Variants in LRP1B observed in about 807,000 individuals in gnomAD.
The protein encoded by LRP1B is low-density lipoprotein receptor-related protein 1B.
Under a neutral mutation model 556.6 loss-of-function variants are expected in LRP1B, and 217 were observed. That is an observed-to-expected ratio of 0.39 (90% CI 0.35 to 0.44). The LOEUF is 0.44. LRP1B is among the 20% of genes least tolerant of loss of function. The pLI is 1.00. For synonymous variants in LRP1B, 2,047 were observed against 1,865.8 expected (o/e 1.10, Z -2.50); for missense variants, 5,053 against 5,620.8 (o/e 0.90, Z 3.23).
intron 3 of LRP1B, among the ~76,000 whole-genome samples, chr2:141,429,816 T>A (rs965254632): frequency 6.6e-6 from 1 of 152,126 alleles, no homozygotes; most frequent in Non-Finnish European, 1.5e-5. Flanking sequence ...GCAAAGGACA[T>A]GATTGGTTAA....
intron 7 of LRP1B, among the ~76,000 whole-genome samples, chr2:141,119,087 A>C (rs1462232235): frequency 6.6e-6 from 1 of 151,956 alleles, no homozygotes; most frequent in Admixed American, 6.6e-5. Flanking sequence ...TTGATGAGTT[A>C]ATTTTGTGTT....
chr2:142,113,875 T>G (rs1024868067), intron 1 of LRP1B, among the ~76,000 whole-genome samples: 1 of 152,108 alleles, frequency 6.6e-6, no homozygotes, highest in African/African-American at 2.4e-5. Context: ...ATACTCAAAC[T>G]TCTATACACA....
chr2:140,484,346 A>T lies in LRP1B; in HGVS notation c.9425+997T>A, dbSNP rs140701016. On this transcript the variant is annotated intron_variant, in intron 59 of 90. Coordinates refer to ENST00000389484, the MANE Select transcript of LRP1B (RefSeq NM_018557.3). ...ATTATAAACATGAGGGACCAAAAAAATTAACAGAGATACATTAACGAGAAG... is the reference window on the plus strand; with the variant it reads ...ATTATAAACATGAGGGACCAAAAAATTTAACAGAGATACATTAACGAGAAG... 2.0e-3 allele frequency among the ~76,000 whole-genome samples: 302 copies of T among 152,288 alleles called. 2 individuals carry two copies. The highest frequency in any genetic ancestry group is 4.1e-3 in the Admixed American group (62 of 15,294).
chr2:140,845,693 C>A (rs1407474655), intron 29 of LRP1B, among the ~76,000 whole-genome samples: 3 of 151,888 alleles, frequency 2.0e-5, no homozygotes, highest in Non-Finnish European at 2.9e-5. Context: ...TTAAAAGATT[C>A]TTTTGGAAGC....
intron 2 of LRP1B, among the ~76,000 whole-genome samples, chr2:141,621,581 G>A (rs1297791654): frequency 1.3e-5 from 2 of 152,084 alleles, no homozygotes; most frequent in Non-Finnish European, 2.9e-5. Context: ...TCAAAATTAA[G>A]GGTTTTGGAT....
intron 41 of LRP1B, among the ~76,000 whole-genome samples, chr2:140,641,117 C>T (rs1041771453): frequency 5.3e-5 from 8 of 152,074 alleles, no homozygotes; most frequent in African/African-American, 1.2e-4. Context: ...CTATGGTTTC[C>T]ACAAAAATTG....
chr2:140,493,351 G>A (rs1264070970), intron 56 of LRP1B, among the ~76,000 whole-genome samples: 5 of 152,106 alleles, frequency 3.3e-5, no homozygotes, highest in Non-Finnish European at 7.4e-5. Context: ...GCGTGATAAA[G>A]ATCTGAGCAT....
chr2:140,613,668 CT>C (rs899023123), intron 41 of LRP1B, among the ~76,000 whole-genome samples: 3 of 151,480 alleles, frequency 2.0e-5, no homozygotes, highest in African/African-American at 2.4e-5. Flanking sequence ...ACTTAATCCA[CT>C]CTTCTCTGCC....
At chr2:141,461,343 A>C (rs1239845881) in intron 3 of LRP1B, among the ~76,000 whole-genome samples, 2 of 152,180 alleles carry the variant, frequency 1.3e-5, no homozygotes, top group Non-Finnish European at 2.9e-5. Context: ...CAATACAGAT[A>C]CTACTGATGA....
intron 3 of LRP1B, among the ~76,000 whole-genome samples, chr2:141,300,039 C>A (rs60399877): frequency 0.12 from 18,482 of 152,124 alleles, 1,505 homozygotes; most frequent in African/African-American, 0.22. Flanking sequence ...TAAAAGAGAC[C>A]CCAGAGAGCT....
intron 2 of LRP1B, among the ~76,000 whole-genome samples, chr2:141,695,039 T>C (rs972156279): frequency 2.6e-5 from 4 of 152,078 alleles, no homozygotes; most frequent in African/African-American, 7.2e-5. Flanking sequence ...GATTATTTCA[T>C]GCCAGCATTG....
intron 7 of LRP1B, among the ~76,000 whole-genome samples, chr2:141,133,034 G>T (rs559015235): frequency 6.6e-6 from 1 of 151,932 alleles, no homozygotes; most frequent in Non-Finnish European, 1.5e-5. Flanking sequence ...TTTTTCAACA[G>T]CATGCATCTA....
intron 42 of LRP1B, among the ~76,000 whole-genome samples, chr2:140,599,286 T>C (rs1027708694): frequency 3.9e-5 from 6 of 152,146 alleles, no homozygotes; most frequent in African/African-American, 1.2e-4. Context: ...CCCCTTCCAA[T>C]TTTACTTTTT....
chr2:141,787,317 G>A (rs978028675), intron 2 of LRP1B, among the ~76,000 whole-genome samples: 6 of 151,744 alleles, frequency 4.0e-5, no homozygotes, highest in Non-Finnish European at 7.4e-5. Flanking sequence ...ATTCATAGTC[G>A]CACCAAACTG....
chr2:141,835,460 C>G (rs1697246366), intron 1 of LRP1B, among the ~76,000 whole-genome samples: 1 of 148,120 alleles, frequency 6.8e-6, no homozygotes, highest in African/African-American at 2.5e-5. Context: ...ATGAAAGACA[C>G]TCAATCATAT....
intron 28 of LRP1B, 120 bp downstream of exon 28, chr2:140,851,532 A>G: frequency 1.8e-6 from 2 of 1,121,404 alleles, no homozygotes; most frequent in Non-Finnish European, 2.5e-6. Context: ...CACCTAAAAT[A>G]TTTTTGAAAA....
In LRP1B at chr2:141,480,396, C is replaced by T. The variant is rs2105089687; in HGVS notation, c.343G>A (p.Glu115Lys). The T allele has an allele frequency of 2.5e-6, 4 of 1,613,714 alleles. No individual in the cohort carries two copies. Among genetic ancestry groups the T allele is most frequent in the Non-Finnish European group, 3.4e-6 (4 of 1,179,852 alleles). The stretch of plus-strand genomic sequence containing the variant: ...TGCATTGTTCCACAAATGGACTCAC[C>T]CTGACAATGTACTCCTTCGTCATAC... Reference protein sequence around the residue: ...DGYDEGVHCQELLSNCQQLNC... With the variant: ...DGYDEGVHCQKLLSNCQQLNC... The change falls in exon 3 of 91, where the codon GAA becomes AAA. Residue 115 changes from glutamate (E) to lysine (K), a missense_variant and splice_region_variant. Glu to Lys is a moderately conservative substitution (Grantham distance 56). Coordinates refer to ENST00000389484, the MANE Select transcript of LRP1B (RefSeq NM_018557.3).
chr2:140,695,183 C>G (rs1489937282), intron 41 of LRP1B, among the ~76,000 whole-genome samples: 1 of 151,576 alleles, frequency 6.6e-6, no homozygotes, highest in Admixed American at 6.6e-5. Flanking sequence ...GTACTCACTT[C>G]TCTCTACTGG....
At chr2:141,941,210 A>C (rs1700789336) in intron 1 of LRP1B, among the ~76,000 whole-genome samples, 1 of 152,236 alleles carries the variant, frequency 6.6e-6, no homozygotes. Context: ...CTGCTGTGAA[A>C]TATTATGTCT....
Sources: allele counts gnomAD v4.1 joint callset (sites outside exome capture counted in the v4.1 genomes callset), GRCh38; gene constraint gnomAD v4.1.1; transcripts MANE v1.5; gene names NCBI Gene and HGNC (gene_info 2026-07-23, HGNC 2026-07-21).